COA1: variants seen among roughly 807,000 people sequenced by gnomAD.
COA1 encodes the protein cytochrome c oxidase assembly factor 1.
COA1 carries 13 observed loss-of-function variants against 16.0 expected under a neutral mutation model. The ratio of observed to expected loss-of-function variants is 0.81; its 90% CI spans 0.53 to 1.29. The LOEUF (loss-of-function observed/expected upper bound fraction) is 1.29, where lower values mean the gene tolerates loss of function less well. Among genes scored for constraint, COA1 ranks in the 50% most tolerant of loss-of-function variants. The pLI, the probability that COA1 is intolerant of heterozygous loss-of-function variation, is 0.00. For synonymous variants in COA1, 65 were observed against 65.7 expected, an observed-to-expected ratio of 0.99 and a Z score of 0.05; for missense variants, 179 against 177.0, an observed-to-expected ratio of 1.01 and a Z score of -0.06.
chr7:43,636,248 G>A (rs1014395121), downstream of COA1, among the ~76,000 whole-genome samples: 6 of 152,198 alleles, frequency 3.9e-5, no homozygotes. Context: ...AAACATGCCT[G>A]AACCAGGAGC....
At chr7:43,696,372 G>A (rs902134408) in intron 1 of COA1, among the ~76,000 whole-genome samples, 1 of 152,088 alleles carries the variant, frequency 6.6e-6, no homozygotes, top group Non-Finnish European at 1.5e-5. Flanking sequence ...TGACATATGC[G>A]GAATATTATA....
downstream of COA1, among the ~76,000 whole-genome samples, chr7:43,636,038 G>GA (rs1322852776): frequency 6.6e-6 from 1 of 151,946 alleles, no homozygotes; most frequent in African/African-American, 2.4e-5. Flanking sequence ...TCCTCTAAGG[G>GA]AAAAAAAACT....
chr7:43,723,690 G>C (rs1432040893), intron 1 of COA1, among the ~76,000 whole-genome samples: 1 of 152,028 alleles, frequency 6.6e-6, no homozygotes, highest in Non-Finnish European at 1.5e-5. Flanking sequence ...ACTTTGGGAG[G>C]CTGAGGTGGG....
At chr7:43,698,395 AG>A (rs2094595086) in intron 1 of COA1, among the ~76,000 whole-genome samples, 2 of 152,222 alleles carry the variant, frequency 1.3e-5, no homozygotes, top group South Asian at 4.1e-4. Context: ...ACAGATGCAG[AG>A]GTATAAGACC....
At chr7:43,646,866 A>G (rs979874613) in intron 3 of COA1, 2 of 252,172 alleles carry the variant, frequency 7.9e-6, no homozygotes, top group Admixed American at 4.4e-5. Context: ...AGAGTGGATG[A>G]CGAGCCAAGC....
At chr7:43,624,731 A>G (rs368867119) in intron 6 of COA1, 2 of 1,613,998 alleles carry the variant, frequency 1.2e-6, no homozygotes, top group Non-Finnish European at 8.5e-7. Flanking sequence ...CATATACTCT[A>G]GGACAATGCA....
chr7:43,691,337 G>C (rs1309490803), intron 1 of COA1, among the ~76,000 whole-genome samples: 1 of 33,000 alleles, frequency 3.0e-5, no homozygotes, highest in African/African-American at 1.7e-4. Context: ...AAGAGAAAGA[G>C]AGAGAGGGAG....
intron 1 of COA1, among the ~76,000 whole-genome samples, chr7:43,707,632 G>A (rs945545482): frequency 3.9e-5 from 6 of 152,148 alleles, no homozygotes; most frequent in Non-Finnish European, 7.4e-5. Context: ...CAGTAGTATG[G>A]ATTCTTTTGT....
At chr7:43,700,757 G>A (rs1161061522) in intron 1 of COA1, among the ~76,000 whole-genome samples, 1 of 152,002 alleles carries the variant, frequency 6.6e-6, no homozygotes, top group African/African-American at 2.4e-5. Flanking sequence ...AGTGAGTTAA[G>A]AAAATGAAGC....
chr7:43,646,412 AC>A, intron 3 of COA1: 1 of 369,570 alleles, frequency 2.7e-6, no homozygotes, highest in South Asian at 1.9e-5. Flanking sequence ...CTCACCTCAT[AC>A]ACAAGCACTA....
intron 1 of COA1, among the ~76,000 whole-genome samples, chr7:43,715,429 G>A (rs1162953403): frequency 2.0e-5 from 3 of 150,976 alleles, no homozygotes; most frequent in Non-Finnish European, 4.4e-5. Flanking sequence ...AGTGAGCGGA[G>A]ATCGTGCCAC....
At chr7:43,621,132 GTT>G (rs1222985393) in intron 6 of COA1, among the ~76,000 whole-genome samples, 1 of 152,168 alleles carries the variant, frequency 6.6e-6, no homozygotes, top group Non-Finnish European at 1.5e-5. Flanking sequence ...GGCAATGATA[GTT>G]CAAAAAATAA....
At chr7:43,668,141 G>T (rs2093006152) in intron 1 of COA1, among the ~76,000 whole-genome samples, 1 of 151,874 alleles carries the variant, frequency 6.6e-6, no homozygotes, top group Admixed American at 6.6e-5. Flanking sequence ...AGCCCCTTGG[G>T]GAGTACTGGC....
At chr7:43,635,881 TAA>T (rs1563198961), downstream of COA1, among the ~76,000 whole-genome samples, 1 of 152,154 alleles carries the variant, frequency 6.6e-6, no homozygotes, top group African/African-American at 2.4e-5. Flanking sequence ...TGTTAAAAGA[TAA>T]GTGTTACATG....
At chr7:43,618,249 G>A (rs979738545) in intron 6 of COA1, among the ~76,000 whole-genome samples, 4 of 152,292 alleles carry the variant, frequency 2.6e-5, no homozygotes, top group Admixed American at 2.6e-4. Context: ...GGGGAGGCCA[G>A]GGCAGGCTTT....
At chr7:43,662,169 G>C (rs1038775967) in intron 1 of COA1, among the ~76,000 whole-genome samples, 6 of 152,218 alleles carry the variant, frequency 3.9e-5, no homozygotes, top group African/African-American at 9.6e-5. Flanking sequence ...ACATGAAAAA[G>C]CTATGAACAT....
At chr7:43,711,751 T>C (rs1047290029) in intron 1 of COA1, among the ~76,000 whole-genome samples, 1 of 152,184 alleles carries the variant, frequency 6.6e-6, no homozygotes, top group African/African-American at 2.4e-5. Context: ...CTGAATACTG[T>C]AGGCAATTAT....
intron 1 of COA1, chr7:43,650,735 A>G: frequency 6.6e-6 from 1 of 152,150 alleles, no homozygotes; most frequent in East Asian, 1.9e-4. Context: ...CAAGATAACA[A>G]AAATAAAAAG....
intron 6 of COA1, chr7:43,624,769 A>C (rs150230872): frequency 6.2e-7 from 1 of 1,613,352 alleles, no homozygotes; most frequent in African/African-American, 1.3e-5. Context: ...AAAATGGAGC[A>C]AAAGGCCATT....
Sources: gnomAD v4.1 joint callset for allele counts (sites outside exome capture counted in the v4.1 genomes callset) on GRCh38, gnomAD v4.1.1 for gene constraint, MANE v1.5 for transcripts, NCBI Gene and HGNC (gene_info 2026-07-23, HGNC 2026-07-21) for gene names.